MB21D2: variants seen among roughly 807,000 people sequenced by gnomAD.
The protein encoded by MB21D2 is nucleotidyltransferase MB21D2.
MB21D2 carries 9 observed loss-of-function variants against 33.3 expected under a neutral mutation model. That is an observed-to-expected ratio of 0.27 (90% CI 0.16 to 0.47). The LOEUF (loss-of-function observed/expected upper bound fraction) is 0.47. Among genes scored for constraint, MB21D2 ranks in the 20% least tolerant of loss-of-function variants. MB21D2 has a pLI of 0.99. For missense variants in MB21D2, 540 were observed against 624.6 expected (o/e 0.86, Z 1.44); for synonymous variants, 241 against 236.3 (o/e 1.02, Z -0.18).
At chr3:192,867,158 G>C (rs774544638) in intron 1 of MB21D2, among the ~76,000 whole-genome samples, 1 of 152,140 alleles carries the variant, frequency 6.6e-6, no homozygotes, top group Non-Finnish European at 1.5e-5. Flanking sequence ...ATTGGGTAGA[G>C]GGAGGAAAAG....
chr3:192,845,537 G>A (rs1712663119), intron 1 of MB21D2, among the ~76,000 whole-genome samples: 1 of 152,194 alleles, frequency 6.6e-6, no homozygotes, highest in African/African-American at 2.4e-5. Flanking sequence ...ACAAAGGTGA[G>A]CAAATCCTCC....
rs1057362806 is a variant in MB21D2, at chr3:192,917,664, A to G, written c.177T>C (p.Ile59=). 1 of 1,614,140 alleles carries G rather than the reference A, an allele frequency of 6.2e-7. No individual in the cohort carries two copies. The highest frequency in any genetic ancestry group is 1.7e-5 in the Admixed American group (1 of 60,028). The change falls in exon 1 of 2, where the codon ATT becomes ATC. Residue 59 remains isoleucine, a synonymous_variant. Coordinates refer to ENST00000392452, the MANE Select transcript of MB21D2 (RefSeq NM_178496.4). ...AAAAGATGAAATCCTTGGCTGTGTGAATCTCCAGCGCTCTCTGGTCGTCGT... is the reference window on the plus strand; with the variant it reads ...AAAAGATGAAATCCTTGGCTGTGTGGATCTCCAGCGCTCTCTGGTCGTCGT... ...REYDDQRALE[I]HTAKDFIFSM...
At chr3:192,839,163 G>A (rs146361454) in intron 1 of MB21D2, among the ~76,000 whole-genome samples, 335 of 152,230 alleles carry the variant, frequency 2.2e-3, no homozygotes, top group African/African-American at 6.9e-3. Context: ...ATAGCTGAGT[G>A]CTATAAATAT....
chr3:192,841,843 T>A (rs1712579118), intron 1 of MB21D2, among the ~76,000 whole-genome samples: 1 of 152,226 alleles, frequency 6.6e-6, no homozygotes, highest in South Asian at 2.1e-4. Context: ...AGGGGTTCTT[T>A]GTCAAAGGAA....
At chr3:192,851,491 G>GTTTTTTTTTTTT (rs34763701) in intron 1 of MB21D2, among the ~76,000 whole-genome samples, 2 of 97,626 alleles carry the variant, frequency 2.0e-5, no homozygotes, top group Non-Finnish European at 3.8e-5. Context: ...TTTTTTGTCT[G>GTTTTTTTTTTTT]TTTTTTTTTT....
chr3:192,873,095 C>A (rs1464333745), intron 1 of MB21D2, among the ~76,000 whole-genome samples: 1 of 152,140 alleles, frequency 6.6e-6, no homozygotes, highest in African/African-American at 2.4e-5. Flanking sequence ...GTGGAGTCTG[C>A]TCATGTGCTG....
chr3:192,887,147 A>AAAAG (rs1713749934), intron 1 of MB21D2, among the ~76,000 whole-genome samples: 1 of 152,100 alleles, frequency 6.6e-6, no homozygotes, highest in Admixed American at 6.5e-5. Context: ...GACGATATCA[A>AAAAG]TGAACTTTAC....
intron 1 of MB21D2, among the ~76,000 whole-genome samples, chr3:192,841,311 G>C (rs1313652954): frequency 1.3e-5 from 2 of 152,206 alleles, no homozygotes; most frequent in Non-Finnish European, 2.9e-5. Flanking sequence ...CCACCTTCGG[G>C]TATTCACACC....
chr3:192,867,786 G>A (rs1045891492), intron 1 of MB21D2, among the ~76,000 whole-genome samples: 22 of 152,116 alleles, frequency 1.4e-4, no homozygotes, highest in African/African-American at 4.8e-4. Context: ...AGTTTTCAGC[G>A]TCAGGCCTTA....
chr3:192,817,903 C>T (rs945739948), intron 1 of MB21D2, among the ~76,000 whole-genome samples: 3 of 147,902 alleles, frequency 2.0e-5, no homozygotes, highest in African/African-American at 2.5e-5. Context: ...TCTCCATTTT[C>T]GTCCCTGTCT....
chr3:192,806,937 G>T (rs1242012667), intron 1 of MB21D2, among the ~76,000 whole-genome samples: 1 of 152,116 alleles, frequency 6.6e-6, no homozygotes, highest in Non-Finnish European at 1.5e-5. Context: ...ACCACTGTGG[G>T]CCTTGGTTTC....
chr3:192,904,725 G>A (rs965929721), intron 1 of MB21D2, among the ~76,000 whole-genome samples: 23 of 152,224 alleles, frequency 1.5e-4, no homozygotes, highest in Non-Finnish European at 2.9e-5. Context: ...AGAACAACGG[G>A]CAGGTGTTGA....
At chr3:192,858,704 T>C (rs1421211640) in intron 1 of MB21D2, among the ~76,000 whole-genome samples, 1 of 152,164 alleles carries the variant, frequency 6.6e-6, no homozygotes, top group Non-Finnish European at 1.5e-5. Context: ...TATTGCAGGT[T>C]ATAAAGGACA....
chr3:192,883,098 T>A (rs1713642690), intron 1 of MB21D2, among the ~76,000 whole-genome samples: 1 of 151,660 alleles, frequency 6.6e-6, no homozygotes. Flanking sequence ...AAACTCCTGA[T>A]CTCAGGTAAT....
intron 1 of MB21D2, among the ~76,000 whole-genome samples, chr3:192,874,878 A>C (rs1713394628): frequency 6.6e-6 from 1 of 151,972 alleles, no homozygotes; most frequent in African/African-American, 2.4e-5. Flanking sequence ...CGTTCTACCA[A>C]ATGATCCTCA....
chr3:192,871,373 C>T (rs1195022127), intron 1 of MB21D2, among the ~76,000 whole-genome samples: 1 of 152,068 alleles, frequency 6.6e-6, no homozygotes, highest in Non-Finnish European at 1.5e-5. Context: ...CTTGTATATA[C>T]TTCAATTTTT....
At chr3:192,895,964 T>C (rs1162606580) in intron 1 of MB21D2, among the ~76,000 whole-genome samples, 6 of 152,344 alleles carry the variant, frequency 3.9e-5, no homozygotes, top group Non-Finnish European at 5.9e-5. Context: ...GACAACTTTA[T>C]GCTACTTCTC....
chr3:192,887,542 A>T (rs1187205171), intron 1 of MB21D2, among the ~76,000 whole-genome samples: 1 of 152,142 alleles, frequency 6.6e-6, no homozygotes, highest in African/African-American at 2.4e-5. Context: ...TTTAGGGATA[A>T]ATTATACGTC....
rs367791078 is a variant in MB21D2, at chr3:192,814,165, A to G, written c.212-14515T>C. ...GTTTGAAAAATAATGATATGTTAAT[A>G]AGTCTTAGAAGTATTTCCATCGTAT... is the stretch of plus-strand genomic sequence containing the variant. On this transcript the variant is annotated intron_variant, in intron 1 of 1. Coordinates refer to ENST00000392452, the MANE Select transcript of MB21D2 (RefSeq NM_178496.4). 3.5e-4 allele frequency among the ~76,000 whole-genome samples: 54 copies of G among 152,354 alleles called. 1 individual carries two copies. Among genetic ancestry groups the G allele is most frequent in the Middle Eastern group, 3.4e-3 (1 of 294 alleles).
Sources: gnomAD v4.1 joint callset for allele counts (sites outside exome capture counted in the v4.1 genomes callset) on GRCh38, gnomAD v4.1.1 for gene constraint, MANE v1.5 for transcripts, NCBI Gene and HGNC (gene_info 2026-07-23, HGNC 2026-07-21) for gene names.